The following CGB3 variants were observed in gnomAD, a reference collection of about 807,000 sequenced individuals.
The protein encoded by CGB3 is chorionic gonadotropin subunit beta 3, also known as choriogonadotropin subunit beta 3.
CGB3 carries 3 observed loss-of-function variants against 5.1 expected under a neutral mutation model. The ratio of observed to expected loss-of-function variants is 0.59; its 90% CI spans 0.27 to 1.52. CGB3 has a LOEUF of 1.52. Among genes scored for constraint, CGB3 ranks in the 40% most tolerant of loss-of-function variants. The pLI is 0.13. For synonymous variants in CGB3, 21 were observed against 80.9 expected (o/e 0.26, Z 3.97); for missense variants, 44 against 183.7 (o/e 0.24, Z 4.39).
chr19:49,023,023 C>G lies in CGB3; in HGVS notation c.361G>C (p.Gly121Arg). Residue 121 changes from glycine to arginine, a missense_variant, in exon 3 of 3, where the codon GGG (glycine) becomes CGG (arginine). Physicochemically the swap from Gly to Arg is moderately radical, Grantham distance 125. Coordinates refer to ENST00000357383, the MANE Select transcript of CGB3 (RefSeq NM_000737.5). ...ALCRRSTTDCGGPKDHPLTCD... is the reference protein window; with the variant it reads ...ALCRRSTTDCRGPKDHPLTCD... ...GTCAAGGGGTGGTCCTTGGGACCCC[C>G]GCAGTCAGTGGTGCTGCGGCGGCAG... The G allele has an allele frequency of 6.6e-7, 1 of 1,521,696 alleles. No individual in the cohort carries two copies. The highest frequency in any genetic ancestry group is 8.9e-7 in the Non-Finnish European group (1 of 1,129,932). The allele number at this position is 1,521,696 out of a possible 1,614,324, so 94.3% of individuals were successfully genotyped here. A position where few individuals can be genotyped will look rare whatever the true frequency, so the allele number is the denominator to read the frequency against.
At chr19:49,023,642 C>T (rs1488739562) in intron 1 of CGB3, 39 bp from the exon 2 acceptor site, 3 of 1,233,174 alleles carry the variant, frequency 2.4e-6, no homozygotes, top group Non-Finnish European at 3.3e-6. Flanking sequence ...TCTGAGACCG[C>T]AGCCCCGAGT....
In CGB3 at chr19:49,024,017, G is replaced by T. The variant is rs369725157; in HGVS notation, c.-46C>A. 57 of 1,611,786 alleles carry T rather than the reference G, an allele frequency of 3.5e-5. 1 individual carries two copies. The Admixed American group carries it at 6.0e-4, about 17-fold the overall frequency. ...CGTGTACCTGGCTTTATACCTCGGGGTTGTGGGGGCGGCAAGGCCACCAGG... is the reference window on the plus strand; with the variant it reads ...CGTGTACCTGGCTTTATACCTCGGGTTTGTGGGGGCGGCAAGGCCACCAGG... On this transcript the variant is annotated 5_prime_UTR_variant, in exon 1 of 3. Transcript: ENST00000357383.
rs375217929 is a variant in CGB3, at chr19:49,024,180, G to A, written c.-209C>T. The A allele has an allele frequency of 1.8e-3, 2,526 of 1,397,200 alleles. 42 individuals carry two copies. The African/African-American group carries it at 0.029, about 16-fold the overall frequency. 86.6% of individuals were successfully genotyped at this position (1,397,200 alleles called of 1,614,324 possible). On this transcript the variant is annotated 5_prime_UTR_variant, in exon 1 of 3. Transcript: ENST00000357383. Reference sequence around the variant, plus strand: ...ACTGGTCCAGCGCCAAGGGTGAGGCGGAGACCACGGTGAAGTGACCTCAGA... The same window carrying A: ...ACTGGTCCAGCGCCAAGGGTGAGGCAGAGACCACGGTGAAGTGACCTCAGA...
Position 49,024,055 on chromosome 19 carries a change from G to T in CGB3, c.-84C>A, listed in dbSNP as rs543529929. 5.6e-6 allele frequency: 9 copies of T among 1,593,886 alleles called. No homozygotes were observed. The African/African-American group carries it at 6.7e-5, about 12-fold the overall frequency. On this transcript the variant is annotated 5_prime_UTR_variant, in exon 1 of 3. Coordinates refer to ENST00000357383, the MANE Select transcript of CGB3 (RefSeq NM_000737.5). ...CAAGGCCACCAGGAGGTGATAGGAT[G>T]CTGGGGTGAGCTCGACACTAACCCC...
At position 49,024,013 on chromosome 19, in the gene CGB3, C is replaced by CG; in HGVS notation, c.-43dup. On this transcript the variant is annotated 5_prime_UTR_variant, in exon 1 of 3. Coordinates refer to ENST00000357383, the MANE Select transcript of CGB3 (RefSeq NM_000737.5). ...GCCTCGTGTACCTGGCTTTATACCT[C>CG]GGGGTTGTGGGGGCGGCAAGGCCAC... 1 of 1,612,496 alleles carries CG rather than the reference C, an allele frequency of 6.2e-7. No homozygotes were observed. The highest frequency in any genetic ancestry group is 1.1e-5 in the South Asian group (1 of 91,032).
intron 1 of CGB3, 63 bp downstream of exon 1, chr19:49,023,894 C>G: frequency 6.2e-7 from 1 of 1,612,386 alleles, no homozygotes; most frequent in Non-Finnish European, 8.5e-7. Flanking sequence ...TGGTCTGACC[C>G]CTTCTCATGC....
At position 49,023,980 on chromosome 19, in the gene CGB3, C is replaced by T. The variant is rs200578663; in HGVS notation, c.-9G>A. ...ACCTGGAACATCTCCATCCTTGGTGCGTCCCCTGCCTCGTGTACCTGGCTT... is the reference window on the plus strand; with the variant it reads ...ACCTGGAACATCTCCATCCTTGGTGTGTCCCCTGCCTCGTGTACCTGGCTT... On this transcript the variant is annotated 5_prime_UTR_variant, in exon 1 of 3. Coordinates refer to ENST00000357383, the MANE Select transcript of CGB3 (RefSeq NM_000737.5). 0.014 allele frequency: 22,509 copies of T among 1,612,104 alleles called. 2,551 individuals carry two copies. The African/African-American group carries it at 0.26, about 19-fold the overall frequency.
chr19:49,023,946 T>C lies in CGB3; in HGVS notation c.15+11A>G. 3 of 1,612,984 alleles carry C rather than the reference T, an allele frequency of 1.9e-6. No homozygotes were observed. The highest frequency in any genetic ancestry group is 2.5e-6 in the Non-Finnish European group (3 of 1,179,784). On this transcript the variant is annotated intron_variant, in intron 1 of 2. Transcript: ENST00000357383. ...GGAGGTGGAAGGTGCCCAGGGGCCC[T>C]GCAGTCTTACCTGGAACATCTCCAT... is the stretch of plus-strand genomic sequence containing the variant.
chr19:49,023,254 C>T, intron 2 of CGB3, 54 bp from the exon 3 acceptor site: 3 of 688,070 alleles, frequency 4.4e-6, no homozygotes, highest in Non-Finnish European at 4.5e-6. Flanking sequence ...AGCGCCTCAG[C>T]TGAGCTCCCC....
At position 49,023,966 on chromosome 19, in the gene CGB3, C is replaced by T; in HGVS notation, c.6G>A (p.Glu2=). The change falls in exon 1 of 3, where the codon GAG becomes GAA. Residue 2 remains glutamate (E), a synonymous_variant. Transcript: ENST00000357383. ...GGCCCTGCAGTCTTACCTGGAACAT[C>T]TCCATCCTTGGTGCGTCCCCTGCCT... is the stretch of plus-strand genomic sequence containing the variant. M[E]MFQGLLLLLL... is the part of the protein sequence containing the mutation. 1 of 1,613,250 alleles carries T rather than the reference C, an allele frequency of 6.2e-7. No individual in the cohort carries two copies. Among genetic ancestry groups the T allele is most frequent in the Non-Finnish European group, 8.5e-7 (1 of 1,179,752 alleles).
chr19:49,023,900 C>T, intron 1 of CGB3, 57 bp downstream of exon 1: 6 of 1,612,484 alleles, frequency 3.7e-6, no homozygotes, highest in Non-Finnish European at 5.1e-6. Context: ...GACCCCTTCT[C>T]ATGCCAGTGA....
At position 49,023,984 on chromosome 19, in the gene CGB3, C is replaced by T. The variant is rs753633089; in HGVS notation, c.-13G>A. On this transcript the variant is annotated 5_prime_UTR_variant, in exon 1 of 3. Transcript: ENST00000357383. ...GGAACATCTCCATCCTTGGTGCGTC[C>T]CCTGCCTCGTGTACCTGGCTTTATA... 1 of 1,613,198 alleles carries T rather than the reference C, an allele frequency of 6.2e-7. No individual in the cohort carries two copies. Among genetic ancestry groups the T allele is most frequent in the South Asian group, 1.1e-5 (1 of 91,038 alleles).
In CGB3 at chr19:49,024,002, G is replaced by C; in HGVS notation, c.-31C>G. ...GTGCGTCCCCTGCCTCGTGTACCTG[G>C]CTTTATACCTCGGGGTTGTGGGGGC... On this transcript the variant is annotated 5_prime_UTR_variant, in exon 1 of 3. Transcript: ENST00000357383. 6.2e-7 allele frequency: 1 copy of C among 1,613,088 alleles called. No individual in the cohort carries two copies. The highest frequency in any genetic ancestry group is 8.5e-7 in the Non-Finnish European group (1 of 1,179,566).
Position 49,023,111 on chromosome 19 carries a change from G to A in CGB3, c.273C>T (p.Gly91=). 7.8e-7 allele frequency: 1 copy of A among 1,283,918 alleles called. No homozygotes were observed. The highest frequency in any genetic ancestry group is 1.3e-5 in the South Asian group (1 of 77,316). 79.5% of individuals were successfully genotyped at this position (1,283,918 alleles called of 1,614,324 possible). ...CCACGGGGTTCACGCCGCGCGGGCAGCCAGGGAGCCGGATGGACTCGAAGC... is the reference window on the plus strand; with the variant it reads ...CCACGGGGTTCACGCCGCGCGGGCAACCAGGGAGCCGGATGGACTCGAAGC... ...DVRFESIRLP[G]CPRGVNPVVS... is the part of the protein sequence containing the mutation. Residue 91 remains glycine, a synonymous_variant, in exon 3 of 3, where the codon GGC becomes GGT. Coordinates refer to ENST00000357383, the MANE Select transcript of CGB3 (RefSeq NM_000737.5).
At position 49,024,079 on chromosome 19, in the gene CGB3, C is replaced by T. The variant is rs1326959914; in HGVS notation, c.-108G>A. ...TGCTGGGGTGAGCTCGACACTAACC[C>T]CTCGGGGGGCAAGAGGTAGACAAGG... On this transcript the variant is annotated 5_prime_UTR_variant, in exon 1 of 3. Coordinates refer to ENST00000357383, the MANE Select transcript of CGB3 (RefSeq NM_000737.5). 6.6e-5 allele frequency: 105 copies of T among 1,602,192 alleles called. 1 individual carries two copies. Among genetic ancestry groups the T allele is most frequent in the Non-Finnish European group, 2.2e-5 (26 of 1,170,522 alleles).
intron 2 of CGB3, 32 bp from the exon 3 acceptor site, chr19:49,023,232 G>A (rs2039638050): frequency 5.1e-6 from 4 of 777,146 alleles, no homozygotes; most frequent in Admixed American, 7.0e-5. Flanking sequence ...GAATGAGCAT[G>A]TGCCTGGGGC....
chr19:49,023,057 T>C lies in CGB3; in HGVS notation c.327A>G (p.Gln109=). The C allele has an allele frequency of 1.3e-6, 2 of 1,493,228 alleles. No homozygotes were observed. The highest frequency in any genetic ancestry group is 2.1e-5 in the Admixed American group (1 of 46,908). 92.5% of individuals were successfully genotyped at this position (1,493,228 alleles called of 1,614,324 possible). A position where few individuals can be genotyped will look rare whatever the true frequency, so the allele number is the denominator to read the frequency against. Residue 109 remains glutamine (Q), a synonymous_variant, in exon 3 of 3, where the codon CAA becomes CAG. Transcript: ENST00000357383. ...VVSYAVALSC[Q]CALCRRSTTD... is the part of the protein sequence containing the mutation. Reference sequence around the variant, plus strand: ...TGGTGCTGCGGCGGCAGAGTGCACATTGACAGCTGAGAGCCACGGCGTAGG... The same window carrying C: ...TGGTGCTGCGGCGGCAGAGTGCACACTGACAGCTGAGAGCCACGGCGTAGG...
At chr19:49,023,851 C>T in intron 1 of CGB3, 106 bp downstream of exon 1, 1 of 1,606,016 alleles carries the variant, frequency 6.2e-7, no homozygotes, top group Non-Finnish European at 8.5e-7. Flanking sequence ...GGTCACGCTC[C>T]TCCAGAAAGA....
chr19:49,023,905 C>G, intron 1 of CGB3, 52 bp downstream of exon 1: 1 of 1,612,508 alleles, frequency 6.2e-7, no homozygotes, highest in East Asian at 2.2e-5. Context: ...CTTCTCATGC[C>G]AGTGATTGCC....
Sources: gnomAD v4.1 joint callset for allele counts on GRCh38, gnomAD v4.1.1 for gene constraint, MANE v1.5 for transcripts, NCBI Gene and HGNC (gene_info 2026-07-23, HGNC 2026-07-21) for gene names.